The following PRSS23 variants were observed in gnomAD, a reference collection of about 807,000 sequenced individuals.
PRSS23 encodes serine protease 23, also known as protease, serine 23.
Under a neutral mutation model 34.7 loss-of-function variants are expected in PRSS23, and 25 were observed. The ratio of observed to expected loss-of-function variants is 0.72; its 90% CI spans 0.53 to 1.01. PRSS23 has a LOEUF of 1.01. Ranked by LOEUF, PRSS23 falls within the 50% of genes least tolerant of loss-of-function variation. The probability of loss-of-function intolerance (pLI) is 0.00; values close to 1 mark genes in which losing one functional copy is unlikely to be tolerated. For synonymous variants in PRSS23, 176 were observed against 186.6 expected, an observed-to-expected ratio of 0.94 and a Z score of 0.46; for missense variants, 445 against 475.6, an observed-to-expected ratio of 0.94 and a Z score of 0.60.
At chr11:86,938,999 A>G (rs961863991) in intron 2 of PRSS23, 3 of 444,862 alleles carry the variant, frequency 6.7e-6, no homozygotes, top group Non-Finnish European at 1.3e-5. Context: ...CACTTGATGT[A>G]TTGATGTTTT....
intron 2 of PRSS23, among the ~76,000 whole-genome samples, chr11:86,880,016 G>T (rs1468607692): frequency 6.6e-6 from 1 of 152,128 alleles, no homozygotes; most frequent in African/African-American, 2.4e-5. Flanking sequence ...GGAGAAAGGC[G>T]GGGAAAGGAT....
intron 2 of PRSS23, among the ~76,000 whole-genome samples, chr11:86,907,911 C>T (rs1293572224): frequency 2.0e-5 from 3 of 152,174 alleles, no homozygotes; most frequent in Non-Finnish European, 4.4e-5. Context: ...CCTGCAACCA[C>T]CATCTATTCT....
chr11:86,903,846 G>A (rs1948926336), intron 2 of PRSS23, among the ~76,000 whole-genome samples: 1 of 152,150 alleles, frequency 6.6e-6, no homozygotes, highest in African/African-American at 2.4e-5. Context: ...CCCTGGGTAA[G>A]TGACTTATTT....
At chr11:86,927,019 C>T (rs764125098) in intron 2 of PRSS23, among the ~76,000 whole-genome samples, 6 of 152,168 alleles carry the variant, frequency 3.9e-5, no homozygotes, top group Admixed American at 1.3e-4. Flanking sequence ...TAGGGTTACC[C>T]AGTCATGCTG....
intron 2 of PRSS23, chr11:86,857,154 G>A (rs750503843): frequency 9.1e-5 from 31 of 340,892 alleles, no homozygotes; most frequent in Admixed American, 1.7e-4. Flanking sequence ...GGTTCAGCAT[G>A]GGGATGACCA....
intron 1 of PRSS23, chr11:86,821,596 G>T: frequency 2.5e-6 from 4 of 1,605,956 alleles, no homozygotes; most frequent in Non-Finnish European, 3.4e-6. Context: ...GCTCAAGACA[G>T]AATTCCCTTA....
At chr11:86,821,649 T>C (rs1948252812) in intron 1 of PRSS23, 2 of 1,577,432 alleles carry the variant, frequency 1.3e-6, no homozygotes, top group African/African-American at 1.3e-5. Context: ...CTTCAGCTGG[T>C]TCAAGAATTT....
intron 2 of PRSS23, chr11:86,937,068 A>G (rs1949169162): frequency 6.6e-6 from 1 of 152,176 alleles, no homozygotes; most frequent in African/African-American, 2.4e-5. Flanking sequence ...AAAAAGCAAG[A>G]GCTTTGCAGC....
At chr11:86,879,559 C>G (rs1372514023) in intron 2 of PRSS23, among the ~76,000 whole-genome samples, 1 of 140,366 alleles carries the variant, frequency 7.1e-6, no homozygotes. Context: ...GGGGGTCAGC[C>G]CCCCGCCCGG....
At position 86,793,274 on chromosome 11, in the gene PRSS23, C is replaced by G. The variant is rs560044922; in HGVS notation, c.-14+2079C>G. 3.3e-5 allele frequency among the ~76,000 whole-genome samples: 5 copies of G among 152,230 alleles called. No homozygotes were observed. In the South Asian group the frequency reaches 1.0e-3, roughly 32 times the overall value. On this transcript the variant is annotated intron_variant, in intron 1 of 1. Coordinates refer to the PRSS23 transcript ENST00000527521. ...ATATTTAACTACCTTTTTTTACAGGCAATTTATTGACCTCTTCCAGAAGTG... is the reference window on the plus strand; with the variant it reads ...ATATTTAACTACCTTTTTTTACAGGGAATTTATTGACCTCTTCCAGAAGTG...
Position 86,810,737 on chromosome 11 carries a change from A to C in PRSS23, c.*1942A>C, listed in dbSNP as rs1948169209. ...GACAATGGCACAAAGTCAAAATGAA[A>C]TCAATGTTTAGTTCACAAGTAGATG... On this transcript the variant is annotated 3_prime_UTR_variant, in exon 2 of 2. Coordinates refer to ENST00000280258, the MANE Select transcript of PRSS23 (RefSeq NM_007173.6). 6.0e-6 allele frequency: 1 copy of C among 167,106 alleles called. No homozygotes were observed. The highest frequency in any genetic ancestry group is 2.4e-5 in the African/African-American group (1 of 41,468). 10.4% of individuals were successfully genotyped at this position (167,106 alleles called of 1,614,324 possible).
rs184709254 is a variant in PRSS23 at position 86,952,376 on chromosome 11, C to T, written c.*1091C>T. 30 of 1,614,180 alleles carry T rather than the reference C, an allele frequency of 1.9e-5. No individual in the cohort carries two copies. The East Asian group carries it at 4.5e-4, about 24-fold the overall frequency. On this transcript the variant is annotated 3_prime_UTR_variant, in exon 3 of 3. Transcript: ENST00000533902. The stretch of plus-strand genomic sequence containing the variant: ...AAATTCCTTCAGGACGGGTTCACAG[C>T]GTCTCTTGACTGAAAGACACATGCC...
downstream of PRSS23, among the ~76,000 whole-genome samples, chr11:86,812,502 G>T (rs972177251): frequency 4.2e-4 from 64 of 152,258 alleles, no homozygotes; most frequent in African/African-American, 1.4e-3. Flanking sequence ...AGTAAACAGG[G>T]GTTGGCCGGG....
intron 2 of PRSS23, among the ~76,000 whole-genome samples, chr11:86,840,951 A>G (rs1336747638): frequency 1.3e-5 from 2 of 152,230 alleles, no homozygotes; most frequent in African/African-American, 4.8e-5. Context: ...TCTGGGACAC[A>G]TTTAAAGCAG....
rs182640202 is a variant in PRSS23 at position 86,808,915 on chromosome 11, G to A, written c.*120G>A. ...GTGTGTGTGTGTGTGTGTGTAAGGT[G>A]TCTTATAATCTTTTACCTATTTCTT... On this transcript the variant is annotated 3_prime_UTR_variant, in exon 2 of 2. Coordinates refer to ENST00000280258, the MANE Select transcript of PRSS23 (RefSeq NM_007173.6). 2 of 762,558 alleles carry A rather than the reference G, an allele frequency of 2.6e-6. No homozygotes were observed. Among genetic ancestry groups the A allele is most frequent in the East Asian group, 2.6e-5 (1 of 38,354 alleles). 47.2% of individuals were successfully genotyped at this position (762,558 alleles called of 1,614,324 possible). A position where few individuals can be genotyped will look rare whatever the true frequency, so the allele number is the denominator to read the frequency against.
At chr11:86,898,391 T>A (rs1185018870) in intron 2 of PRSS23, among the ~76,000 whole-genome samples, 2 of 152,248 alleles carry the variant, frequency 1.3e-5, no homozygotes, top group Non-Finnish European at 2.9e-5. Flanking sequence ...CATTAGAGTC[T>A]ATTTGATATA....
intron 2 of PRSS23, among the ~76,000 whole-genome samples, chr11:86,880,108 T>G (rs1234410420): frequency 6.6e-6 from 1 of 152,046 alleles, no homozygotes. Flanking sequence ...CTAAGAAAAA[T>G]TCTTCTGCCT....
At chr11:86,823,985 G>A (rs1184371215) in intron 2 of PRSS23, among the ~76,000 whole-genome samples, 4 of 107,508 alleles carry the variant, frequency 3.7e-5, no homozygotes, top group South Asian at 3.3e-4. Flanking sequence ...CGGCCTGGGC[G>A]ACAGAGCGAG....
intron 2 of PRSS23, chr11:86,936,111 G>A (rs1450256079): frequency 2.6e-5 from 4 of 152,124 alleles, no homozygotes; most frequent in Admixed American, 2.6e-4. Flanking sequence ...CTCGCAGAAT[G>A]TTTCAGTGAT....
Sources: gnomAD v4.1 joint callset for allele counts (sites outside exome capture counted in the v4.1 genomes callset) on GRCh38, gnomAD v4.1.1 for gene constraint, MANE v1.5 for transcripts, NCBI Gene and HGNC (gene_info 2026-07-23, HGNC 2026-07-21) for gene names.